The following METTL15 variants were observed in gnomAD, a reference collection of about 807,000 sequenced individuals.
METTL15 encodes the protein 12S rRNA N(4)-cytidine methyltransferase METTL15.
Under a neutral mutation model 38.3 loss-of-function variants are expected in METTL15, and 34 were observed. That is an observed-to-expected ratio of 0.89 (90% CI 0.68 to 1.18). METTL15 has a LOEUF of 1.18. METTL15 is among the 50% of genes most tolerant of loss of function. The pLI, the probability that METTL15 is intolerant of heterozygous loss-of-function variation, is 0.00. For synonymous variants in METTL15, 162 were observed against 170.9 expected, an observed-to-expected ratio of 0.95 and a Z score of 0.41; for missense variants, 438 against 498.4, an observed-to-expected ratio of 0.88 and a Z score of 1.15.
chr11:28,364,128 T>A (rs1254539847), intron 5 of METTL15, among the ~76,000 whole-genome samples: 1 of 152,210 alleles, frequency 6.6e-6, no homozygotes, highest in Non-Finnish European at 1.5e-5. Context: ...ACCTCCAGCT[T>A]TGTTCTTTTT....
chr11:28,295,745 CAG>C (rs1218434072), intron 5 of METTL15, among the ~76,000 whole-genome samples: 1 of 152,004 alleles, frequency 6.6e-6, no homozygotes, highest in African/African-American at 2.4e-5. Context: ...CTAGGCTTAA[CAG>C]TGTATATTTT....
In METTL15 at chr11:28,214,925, T is replaced by C. The variant is rs780540992; in HGVS notation, c.407+3727T>C. ...AGCCCTTTCCTTTCCAGCATAAGGGTCACAGCTGATACCCCTATAACAAAG... is the reference window on the plus strand; with the variant it reads ...AGCCCTTTCCTTTCCAGCATAAGGGCCACAGCTGATACCCCTATAACAAAG... On this transcript the variant is annotated intron_variant, in intron 4 of 6. Transcript: ENST00000407364. 3.3e-5 allele frequency among the ~76,000 whole-genome samples: 5 copies of C among 152,154 alleles called. No homozygotes were observed. In the South Asian group the frequency reaches 8.3e-4, roughly 25 times the overall value.
At chr11:28,406,164 T>C (rs982675853) in intron 5 of METTL15, among the ~76,000 whole-genome samples, 42 of 152,304 alleles carry the variant, frequency 2.8e-4, no homozygotes, top group African/African-American at 7.7e-4. Flanking sequence ...GGTAGTTTAA[T>C]GGGAATAGCA....
intron 5 of METTL15, among the ~76,000 whole-genome samples, chr11:28,378,297 C>G (rs1850342248): frequency 6.6e-6 from 1 of 152,216 alleles, no homozygotes; most frequent in Admixed American, 6.5e-5. Flanking sequence ...GCTGTGCTAG[C>G]AATCAGCGAT....
chr11:28,203,855 G>A (rs998874378), intron 3 of METTL15, among the ~76,000 whole-genome samples: 2 of 152,002 alleles, frequency 1.3e-5, no homozygotes, highest in Non-Finnish European at 2.9e-5. Flanking sequence ...TGGTGCAAAA[G>A]AGTTAATAAC....
intron 3 of METTL15, among the ~76,000 whole-genome samples, chr11:28,133,192 A>G (rs1175939389): frequency 6.6e-6 from 1 of 152,168 alleles, no homozygotes; most frequent in East Asian, 1.9e-4. Flanking sequence ...AGAAAAATTG[A>G]TTTTAAAATG....
chr11:28,434,099 G>C (rs924335316), intron 6 of METTL15, among the ~76,000 whole-genome samples: 4 of 152,124 alleles, frequency 2.6e-5, no homozygotes, highest in Non-Finnish European at 5.9e-5. Context: ...GAGGAACTAG[G>C]TGGAGATAAT....
chr11:28,284,363 A>G (rs948050905), intron 4 of METTL15, among the ~76,000 whole-genome samples: 4 of 152,176 alleles, frequency 2.6e-5, no homozygotes, highest in African/African-American at 9.7e-5. Context: ...AACATCCTCT[A>G]TAAGATCTTA....
chr11:28,140,917 C>T (rs961385619), intron 3 of METTL15, among the ~76,000 whole-genome samples: 2 of 152,162 alleles, frequency 1.3e-5, no homozygotes, highest in Non-Finnish European at 2.9e-5. Flanking sequence ...CTGGACCAAA[C>T]AAAGGTGGGA....
At chr11:28,245,935 C>T (rs2133913679) in intron 4 of METTL15, among the ~76,000 whole-genome samples, 1 of 152,198 alleles carries the variant, frequency 6.6e-6, no homozygotes, top group Non-Finnish European at 1.5e-5. Context: ...TAGACCACTC[C>T]CCTTACACAT....
intron 5 of METTL15, among the ~76,000 whole-genome samples, chr11:28,396,820 C>A (rs1328685357): frequency 6.6e-6 from 1 of 151,960 alleles, no homozygotes; most frequent in Admixed American, 6.6e-5. Context: ...TGGAGGCATC[C>A]TGCTACCTGA....
At chr11:28,314,272 A>G (rs1267009500) in intron 6 of METTL15, among the ~76,000 whole-genome samples, 1 of 152,186 alleles carries the variant, frequency 6.6e-6, no homozygotes, top group Non-Finnish European at 1.5e-5. Flanking sequence ...GAACATTTGT[A>G]ATACAGTTGA....
chr11:28,405,083 G>A (rs77086895), intron 5 of METTL15, among the ~76,000 whole-genome samples: 5,769 of 152,106 alleles, frequency 0.038, 361 homozygotes, highest in African/African-American at 0.13. Context: ...CAGCTGCAGC[G>A]TGCCAACAAA....
chr11:28,328,542 G>A (rs2134060423), intron 6 of METTL15, among the ~76,000 whole-genome samples: 1 of 152,132 alleles, frequency 6.6e-6, no homozygotes, highest in South Asian at 2.1e-4. Flanking sequence ...TATTTTCTGA[G>A]ATCTTCATTA....
intron 3 of METTL15, among the ~76,000 whole-genome samples, chr11:28,140,623 A>G (rs1252643288): frequency 6.6e-6 from 1 of 152,216 alleles, no homozygotes; most frequent in Non-Finnish European, 1.5e-5. Flanking sequence ...TTGTCTCATG[A>G]CCAGGAAGAA....
At chr11:28,433,185 T>A (rs1850951178) in intron 6 of METTL15, among the ~76,000 whole-genome samples, 1 of 148,352 alleles carries the variant, frequency 6.7e-6, no homozygotes, top group African/African-American at 2.5e-5. Context: ...TTTTTTTGGC[T>A]CTGTCATTAG....
intron 4 of METTL15, among the ~76,000 whole-genome samples, chr11:28,260,882 G>A (rs1565208006): frequency 6.6e-6 from 1 of 152,144 alleles, no homozygotes; most frequent in East Asian, 1.9e-4. Flanking sequence ...ATAGGCTGTA[G>A]GGTAGGAATG....
chr11:28,191,590 T>A (rs1021814889), intron 3 of METTL15, among the ~76,000 whole-genome samples: 1 of 151,602 alleles, frequency 6.6e-6, no homozygotes, highest in South Asian at 2.1e-4. Context: ...TTGTATATTT[T>A]CAGGTTCTAT....
At chr11:28,395,973 T>C (rs186794513) in intron 5 of METTL15, among the ~76,000 whole-genome samples, 3 of 152,200 alleles carry the variant, frequency 2.0e-5, no homozygotes, top group African/African-American at 7.2e-5. Context: ...ATCCAGCACA[T>C]AGACAGAACC....
Sources: gnomAD v4.1 joint callset for allele counts (sites outside exome capture counted in the v4.1 genomes callset) on GRCh38, gnomAD v4.1.1 for gene constraint, MANE v1.5 for transcripts, NCBI Gene and HGNC (gene_info 2026-07-23, HGNC 2026-07-21) for gene names.